ASIC2: variants seen among roughly 807,000 people sequenced by gnomAD.
ASIC2 encodes acid sensing ion channel subunit 2.
In ASIC2, 25 loss-of-function variants were observed where a neutral mutation model predicts 57.3. The ratio of observed to expected loss-of-function variants is 0.44; its 90% CI spans 0.32 to 0.61. The LOEUF is 0.61. ASIC2 is among the 20% of genes least tolerant of loss of function. ASIC2 has a pLI of 0.06. For missense variants in ASIC2, 641 were observed against 738.1 expected (o/e 0.87, Z 1.52); for synonymous variants, 319 against 307.5 (o/e 1.04, Z -0.39).
chr17:33,639,830 G>A (rs867730401), intron 1 of ASIC2, among the ~76,000 whole-genome samples: 1 of 150,822 alleles, frequency 6.6e-6, no homozygotes, highest in Non-Finnish European at 1.5e-5. Context: ...GCCAGTATTC[G>A]GCAGAACTTA....
chr17:34,007,837 C>T (rs148154066), intron 1 of ASIC2, among the ~76,000 whole-genome samples: 8 of 152,168 alleles, frequency 5.3e-5, no homozygotes, highest in African/African-American at 9.7e-5. Context: ...GAAGCAGAAA[C>T]GCTTTACAGT....
chr17:33,780,435 A>G (rs1167629388), intron 1 of ASIC2, among the ~76,000 whole-genome samples: 1 of 152,208 alleles, frequency 6.6e-6, no homozygotes. Flanking sequence ...CAAGAAGTAG[A>G]AAAGCCCAGT....
At chr17:33,769,003 A>G (rs577256276) in intron 1 of ASIC2, among the ~76,000 whole-genome samples, 14 of 152,332 alleles carry the variant, frequency 9.2e-5, no homozygotes, top group South Asian at 4.1e-4. Context: ...TATAATAAAA[A>G]AAATTCTCCA....
chr17:33,245,076 C>A (rs548250940), intron 1 of ASIC2, among the ~76,000 whole-genome samples: 10 of 152,162 alleles, frequency 6.6e-5, no homozygotes, highest in Non-Finnish European at 1.3e-4. Flanking sequence ...TAATATAGAT[C>A]ATAACATCAT....
Position 33,733,482 on chromosome 17 carries a change from G to A in ASIC2, c.555+422496C>T, listed in dbSNP as rs115214980. Among the ~76,000 whole-genome samples, 1,200 of 152,244 alleles carry A rather than the reference G, an allele frequency of 7.9e-3. 13 individuals carry two copies. The highest frequency in any genetic ancestry group is 0.027 in the African/African-American group (1,117 of 41,536). On this transcript the variant is annotated intron_variant, in intron 1 of 9. Coordinates refer to the ASIC2 transcript ENST00000359872. ...GAGAGTTGATCTCCCTGAAAGGGAG[G>A]AGACGGAGAGGGTGAGGGAGAGAAG...
At chr17:34,127,407 T>C (rs1050812663) in intron 1 of ASIC2, among the ~76,000 whole-genome samples, 1 of 152,190 alleles carries the variant, frequency 6.6e-6, no homozygotes, top group African/African-American at 2.4e-5. Context: ...TATGACATTC[T>C]AGAATTTGTT....
At chr17:33,424,489 T>C (rs1597723627) in intron 1 of ASIC2, among the ~76,000 whole-genome samples, 2 of 152,288 alleles carry the variant, frequency 1.3e-5, no homozygotes, top group East Asian at 1.9e-4. Flanking sequence ...GTAATTAGTC[T>C]ATGGCAGAGG....
At chr17:33,632,097 T>C (rs574923488) in intron 1 of ASIC2, among the ~76,000 whole-genome samples, 23 of 152,272 alleles carry the variant, frequency 1.5e-4, no homozygotes, top group African/African-American at 5.1e-4. Context: ...TTATTAGCTG[T>C]GTGACCTGGG....
chr17:33,551,699 G>A (rs1915757627), intron 1 of ASIC2, among the ~76,000 whole-genome samples: 1 of 152,148 alleles, frequency 6.6e-6, no homozygotes, highest in South Asian at 2.1e-4. Flanking sequence ...AAACTCAGTA[G>A]GAGGGATTTT....
At chr17:33,921,276 A>T (rs1324636502) in intron 1 of ASIC2, among the ~76,000 whole-genome samples, 1 of 152,136 alleles carries the variant, frequency 6.6e-6, no homozygotes, top group African/African-American at 2.4e-5. Flanking sequence ...CAGTGTAATG[A>T]TGTCTACTTT....
intron 1 of ASIC2, among the ~76,000 whole-genome samples, chr17:33,738,645 C>G (rs1248043435): frequency 6.6e-6 from 1 of 152,164 alleles, no homozygotes; most frequent in Non-Finnish European, 1.5e-5. Context: ...CTACTATCCC[C>G]ACATCTACCA....
intron 1 of ASIC2, among the ~76,000 whole-genome samples, chr17:33,239,355 C>T (rs1908419484): frequency 6.6e-6 from 1 of 152,078 alleles, no homozygotes; most frequent in Admixed American, 6.5e-5. Flanking sequence ...AATTGTAATC[C>T]CCCGGCCCCA....
chr17:33,774,352 G>C (rs570295349), intron 1 of ASIC2, among the ~76,000 whole-genome samples: 1 of 152,340 alleles, frequency 6.6e-6, no homozygotes, highest in African/African-American at 2.4e-5. Context: ...TGGGTTGAAT[G>C]AGAGTCTGAG....
chr17:33,269,718 CCCTT>C (rs1904399312), intron 1 of ASIC2, among the ~76,000 whole-genome samples: 1 of 68,732 alleles, frequency 1.5e-5, no homozygotes, highest in South Asian at 6.8e-4. Context: ...TGCCTTTCCT[CCCTT>C]CCTCCCTCCC....
chr17:34,030,191 G>A (rs1345396035), intron 1 of ASIC2, among the ~76,000 whole-genome samples: 1 of 152,214 alleles, frequency 6.6e-6, no homozygotes, highest in East Asian at 1.9e-4. Flanking sequence ...CCAAGAAAGA[G>A]TGCACACTTT....
At chr17:33,462,212 G>A (rs1912660815) in intron 1 of ASIC2, among the ~76,000 whole-genome samples, 1 of 152,112 alleles carries the variant, frequency 6.6e-6, no homozygotes, top group Admixed American at 6.5e-5. Flanking sequence ...ATTACTCCCT[G>A]GTACCTGTCC....
chr17:34,124,211 G>A (rs1480876326), intron 1 of ASIC2, among the ~76,000 whole-genome samples: 1 of 152,162 alleles, frequency 6.6e-6, no homozygotes, highest in African/African-American at 2.4e-5. Context: ...AAAGAATACA[G>A]GAAAGCACTT....
At chr17:33,050,184 C>T (rs1293109873) in intron 3 of ASIC2, among the ~76,000 whole-genome samples, 1 of 152,116 alleles carries the variant, frequency 6.6e-6, no homozygotes. Context: ...TGAACGTGGC[C>T]GCTGGGAAAT....
chr17:34,048,710 G>A (rs1483687508), intron 1 of ASIC2, among the ~76,000 whole-genome samples: 1 of 152,182 alleles, frequency 6.6e-6, no homozygotes, highest in Non-Finnish European at 1.5e-5. Context: ...CACAAGAATT[G>A]TGTAGGTTAC....
Sources: gnomAD v4.1 joint callset for allele counts (sites outside exome capture counted in the v4.1 genomes callset) on GRCh38, gnomAD v4.1.1 for gene constraint, MANE v1.5 for transcripts, NCBI Gene and HGNC (gene_info 2026-07-23, HGNC 2026-07-21) for gene names.